Variants in AGFG1 observed in about 807,000 individuals in gnomAD.
AGFG1 encodes arf-GAP domain and FG repeat-containing protein 1.
Under a neutral mutation model 60.6 loss-of-function variants are expected in AGFG1, and 10 were observed. The observed-to-expected ratio is 0.16, with a 90% CI of 0.10 to 0.28. AGFG1 has a LOEUF of 0.28. AGFG1 is among the 10% of genes least tolerant of loss of function. AGFG1 has a pLI of 1.00. For missense variants in AGFG1, 537 were observed against 676.5 expected, an observed-to-expected ratio of 0.79 and a Z score of 2.29; for synonymous variants, 247 against 242.9, an observed-to-expected ratio of 1.02 and a Z score of -0.16.
chr2:227,510,152 A>G (rs755916597), intron 2 of AGFG1, among the ~76,000 whole-genome samples: 8 of 152,056 alleles, frequency 5.3e-5, no homozygotes, highest in Non-Finnish European at 7.4e-5. Flanking sequence ...CTGTGTGTTG[A>G]GGGGGGTAGG....
intron 1 of AGFG1, among the ~76,000 whole-genome samples, chr2:227,473,131 G>T (rs562732456): frequency 2.0e-5 from 3 of 152,158 alleles, no homozygotes; most frequent in Non-Finnish European, 4.4e-5. Context: ...CCTCGCCCGT[G>T]CCTTTTTTCT....
intron 1 of AGFG1, among the ~76,000 whole-genome samples, chr2:227,479,674 A>G (rs1178073053): frequency 7.2e-5 from 11 of 152,186 alleles, no homozygotes; most frequent in Non-Finnish European, 1.5e-5. Context: ...CCCCACTTGA[A>G]TGTGTTTTCT....
At chr2:227,480,390 A>G (rs907335972) in intron 1 of AGFG1, among the ~76,000 whole-genome samples, 2 of 151,274 alleles carry the variant, frequency 1.3e-5, no homozygotes, top group African/African-American at 2.4e-5. Context: ...GTCTTTCCAT[A>G]TTTCTTATTT....
intron 1 of AGFG1, among the ~76,000 whole-genome samples, chr2:227,477,033 C>G (rs1690304730): frequency 6.6e-6 from 1 of 151,846 alleles, no homozygotes; most frequent in South Asian, 2.1e-4. Context: ...TCCCAAGTAG[C>G]TGGGATTACA....
chr2:227,515,447 A>C (rs1691622969), intron 2 of AGFG1, among the ~76,000 whole-genome samples: 1 of 152,148 alleles, frequency 6.6e-6, no homozygotes, highest in South Asian at 2.1e-4. Flanking sequence ...GGCTTACTCT[A>C]ATACTGGAGC....
chr2:227,538,717 C>G (rs1202499453), intron 10 of AGFG1, among the ~76,000 whole-genome samples: 1 of 152,112 alleles, frequency 6.6e-6, no homozygotes, highest in African/African-American at 2.4e-5. Context: ...ATGATTGTAC[C>G]TCTGAGTTGG....
chr2:227,543,554 T>C (rs1055080925), intron 10 of AGFG1, among the ~76,000 whole-genome samples: 6 of 152,236 alleles, frequency 3.9e-5, no homozygotes, highest in Non-Finnish European at 8.8e-5. Flanking sequence ...TTGCATTTGC[T>C]GAAGAGTGCT....
At chr2:227,507,822 G>A (rs1691371943) in intron 2 of AGFG1, among the ~76,000 whole-genome samples, 1 of 151,912 alleles carries the variant, frequency 6.6e-6, no homozygotes, top group Admixed American at 6.6e-5. Context: ...ATTTCCAACA[G>A]CAAGCAATTA....
intron 2 of AGFG1, among the ~76,000 whole-genome samples, chr2:227,509,353 G>A (rs1019857057): frequency 2.0e-5 from 3 of 152,108 alleles, no homozygotes; most frequent in African/African-American, 7.2e-5. Context: ...AAGACAGAAA[G>A]AGTAAAGAAT....
At chr2:227,505,234 G>A (rs1476723538) in intron 2 of AGFG1, among the ~76,000 whole-genome samples, 1 of 151,922 alleles carries the variant, frequency 6.6e-6, no homozygotes, top group Non-Finnish European at 1.5e-5. Context: ...GTAGTGATGG[G>A]TAGTTGTGAA....
chr2:227,554,294 A>G (rs1405970988), intron 12 of AGFG1, 142 bp from the exon 13 acceptor site: 3 of 693,516 alleles, frequency 4.3e-6, no homozygotes, highest in Non-Finnish European at 7.2e-6. Context: ...ATTGCCAATA[A>G]CAAATATTAT....
chr2:227,534,529 T>G (rs1006922151), intron 7 of AGFG1, among the ~76,000 whole-genome samples: 3 of 152,224 alleles, frequency 2.0e-5, no homozygotes, highest in Admixed American at 1.3e-4. Context: ...TATGTTCATG[T>G]GAACAAGATC....
intron 8 of AGFG1, 79 bp downstream of exon 8, chr2:227,535,104 T>A: frequency 7.5e-7 from 1 of 1,336,296 alleles, no homozygotes; most frequent in Non-Finnish European, 9.8e-7. Context: ...AAAAAATGAC[T>A]GTTTCAAGGT....
rs1301316780 is a variant in AGFG1, at chr2:227,560,563, TCTAAA to T, written c.*6069_*6073del. 3 of 152,182 alleles carry T rather than the reference TCTAAA, an allele frequency of 2.0e-5. No individual in the cohort carries two copies. Among genetic ancestry groups the T allele is most frequent in the Non-Finnish European group, 4.4e-5 (3 of 67,992 alleles). 9.4% of individuals were successfully genotyped at this position (152,182 alleles called of 1,614,324 possible). A position where few individuals can be genotyped will look rare whatever the true frequency, so the allele number is the denominator to read the frequency against. Reference sequence around the variant, plus strand: ...TTTTTTCATTGTCCCTACTCATGACTCTAAAAAGTGCATGGCTTGGGGCTATACTT... The same window carrying T: ...TTTTTTCATTGTCCCTACTCATGACTAAGTGCATGGCTTGGGGCTATACTT... On this transcript the variant is annotated 3_prime_UTR_variant, in exon 13 of 13. Transcript: ENST00000310078.
rs564250548 is a variant in AGFG1, at chr2:227,472,556, C to T, written c.135C>T (p.Gly45=). Residue 45 remains glycine (G), a synonymous_variant, in exon 1 of 13, where the codon GGC becomes GGT. Transcript: ENST00000310078. ...CCACCTACGTTAACATGACGGTCGG[C>T]TCCTTCGTGTGTACCTCCTGCTCCG... ...RGPTYVNMTV[G]SFVCTSCSGS... 5.7e-6 allele frequency: 9 copies of T among 1,581,050 alleles called. No homozygotes were observed. The highest frequency in any genetic ancestry group is 5.6e-5 in the South Asian group (5 of 89,314).
rs569891107 is a variant in AGFG1, at chr2:227,557,707, C to G, written c.*3212C>G. ...TAATGAGAACAGGAACATTGTTTTA[C>G]ATTTTATGCATTTAAATCTGGCTTA... On this transcript the variant is annotated 3_prime_UTR_variant, in exon 13 of 13. Transcript: ENST00000310078. 2.0e-5 allele frequency: 3 copies of G among 152,204 alleles called. No homozygotes were observed. In the South Asian group the frequency reaches 6.2e-4, roughly 32 times the overall value. 9.4% of individuals were successfully genotyped at this position (152,204 alleles called of 1,614,324 possible).
intron 2 of AGFG1, among the ~76,000 whole-genome samples, chr2:227,512,878 AAAAG>A (rs1691537777): frequency 6.6e-6 from 1 of 152,230 alleles, no homozygotes; most frequent in Non-Finnish European, 1.5e-5. Flanking sequence ...GAAAGGACAA[AAAAG>A]AAAGTATGAA....
chr2:227,491,737 G>T, intron 2 of AGFG1, 97 bp downstream of exon 2: 1 of 629,560 alleles, frequency 1.6e-6, no homozygotes, highest in Non-Finnish European at 2.6e-6. Flanking sequence ...GAATTTCACG[G>T]TCTAAATAAG....
intron 2 of AGFG1, among the ~76,000 whole-genome samples, chr2:227,518,516 CTTTTTTTT>C (rs1222543055): frequency 6.8e-5 from 7 of 102,370 alleles, no homozygotes; most frequent in East Asian, 5.5e-4. Context: ...GTCTCAGTGT[CTTTTTTTT>C]TTTTTTTTTT....
Sources: allele counts gnomAD v4.1 joint callset (sites outside exome capture counted in the v4.1 genomes callset), GRCh38; gene constraint gnomAD v4.1.1; transcripts MANE v1.5; gene names NCBI Gene and HGNC (gene_info 2026-07-23, HGNC 2026-07-21).